BIRC3: variants seen among roughly 807,000 people sequenced by gnomAD.
The protein encoded by BIRC3 is baculoviral IAP repeat containing 3.
A neutral mutation model predicts 59.0 loss-of-function variants in BIRC3; 26 were observed. That is an observed-to-expected ratio of 0.44 (90% confidence interval 0.32 to 0.61). The LOEUF is 0.61. Among genes scored for constraint, BIRC3 ranks in the 20% least tolerant of loss-of-function variants. The probability of loss-of-function intolerance (pLI) is 0.04; values close to 1 mark genes in which losing one functional copy is unlikely to be tolerated. For synonymous variants in BIRC3, 243 were observed against 249.2 expected (o/e 0.98, Z 0.24); for missense variants, 641 against 711.5 (o/e 0.90, Z 1.13).
rs1404177810 is a variant in BIRC3, at chr11:102,323,182, T to C, written c.-1328T>C. On this transcript the variant is annotated 5_prime_UTR_variant, in exon 2 of 9. Transcript: ENST00000263464. The stretch of plus-strand genomic sequence containing the variant: ...AAGTTGAATAACTCTACAATGTTAG[T>C]TCTTTGAGGGGGACAAAAAATTTAA... 3 of 199,420 alleles carry C rather than the reference T, an allele frequency of 1.5e-5. No homozygotes were observed. The highest frequency in any genetic ancestry group is 6.9e-5 in the African/African-American group (3 of 43,496). 12.4% of individuals were successfully genotyped at this position (199,420 alleles called of 1,614,324 possible).
chr11:102,318,092 C>T (rs1950990779), intron 1 of BIRC3, among the ~76,000 whole-genome samples: 1 of 152,212 alleles, frequency 6.6e-6, no homozygotes, highest in African/African-American at 2.4e-5. Context: ...CTGATGCTAA[C>T]GTAACAATAA....
rs1951035766 is a variant in BIRC3, at chr11:102,322,041, T to C, written c.-2469T>C. ...TAATTTTATAAACATGATCGAGTTA[T>C]ATAAGGTATACCATAATGAGTTTGA... On this transcript the variant is annotated 5_prime_UTR_variant, in exon 2 of 9. Coordinates refer to ENST00000263464, the MANE Select transcript of BIRC3 (RefSeq NM_001165.5). 5.1e-6 allele frequency: 1 copy of C among 196,622 alleles called. No individual in the cohort carries two copies. The highest frequency in any genetic ancestry group is 2.3e-5 in the African/African-American group (1 of 43,300). The allele number at this position is 196,622 out of a possible 1,614,324, so 12.2% of individuals were successfully genotyped here. A position where few individuals can be genotyped will look rare whatever the true frequency, so the allele number is the denominator to read the frequency against.
rs1042136702 is a variant in BIRC3 at position 102,322,144 on chromosome 11, G to T, written c.-2366G>T. The T allele has an allele frequency of 9.8e-6, 2 of 205,020 alleles. No homozygotes were observed. Among genetic ancestry groups the T allele is most frequent in the Non-Finnish European group, 1.0e-5 (1 of 100,366 alleles). 12.7% of individuals were successfully genotyped at this position (205,020 alleles called of 1,614,324 possible). On this transcript the variant is annotated 5_prime_UTR_variant, in exon 2 of 9. Transcript: ENST00000263464. ...TTGTTAAAGCATTTTTTTCAGAGTTGGCCAGGCAGTCTCCTACTGGCACAT... is the reference window on the plus strand; with the variant it reads ...TTGTTAAAGCATTTTTTTCAGAGTTTGCCAGGCAGTCTCCTACTGGCACAT...
intron 1 of BIRC3, among the ~76,000 whole-genome samples, chr11:102,317,963 T>C (rs993800653): frequency 6.6e-6 from 1 of 152,154 alleles, no homozygotes; most frequent in Non-Finnish European, 1.5e-5. Flanking sequence ...AATGAGCAAA[T>C]GGACGCATGT....
At chr11:102,328,858 TTA>T (rs35083591) in intron 4 of BIRC3, 37 bp from the exon 5 acceptor site, 28,456 of 598,206 alleles carry the variant, frequency 0.048, 442 homozygotes, top group African/African-American at 0.082. Flanking sequence ...CTATTTTAAT[TTA>T]TATATATATA....
intron 5 of BIRC3, 39 bp downstream of exon 5, chr11:102,328,984 G>A (rs1336176114): frequency 6.8e-6 from 8 of 1,168,816 alleles, no homozygotes; most frequent in Non-Finnish European, 9.5e-6. Context: ...TTTAAATAGA[G>A]TCATTTGGTA....
At chr11:102,329,008 A>G in intron 5 of BIRC3, 63 bp downstream of exon 5, 1 of 952,112 alleles carries the variant, frequency 1.1e-6, no homozygotes, top group Non-Finnish European at 1.5e-6. Context: ...TTAATATTGA[A>G]AGTTGATAAT....
Position 102,337,545 on chromosome 11 carries a change from T to C in BIRC3, c.*443T>C, listed in dbSNP as rs1591526675. 6 of 388,450 alleles carry C rather than the reference T, an allele frequency of 1.5e-5. No homozygotes were observed. Among genetic ancestry groups the C allele is most frequent in the East Asian group, 7.2e-5 (2 of 27,722 alleles). 24.1% of individuals were successfully genotyped at this position (388,450 alleles called of 1,614,324 possible). On this transcript the variant is annotated 3_prime_UTR_variant, in exon 9 of 9. Transcript: ENST00000263464. ...GAGTTTGAATCCATCCTGGGCAGCATACTGAGACCCTGCCTTTAAAAACAA... is the reference window on the plus strand; with the variant it reads ...GAGTTTGAATCCATCCTGGGCAGCACACTGAGACCCTGCCTTTAAAAACAA...
chr11:102,332,884 C>A (rs939825713), intron 6 of BIRC3, among the ~76,000 whole-genome samples: 7 of 152,136 alleles, frequency 4.6e-5, no homozygotes, highest in Non-Finnish European at 1.5e-5. Context: ...CTTCCTGTAG[C>A]CTTCTTAGTG....
At position 102,338,309 on chromosome 11, in the gene BIRC3, T is replaced by C. The variant is rs1951219459; in HGVS notation, c.*1207T>C. 1 of 228,614 alleles carries C rather than the reference T, an allele frequency of 4.4e-6. No individual in the cohort carries two copies. Among genetic ancestry groups the C allele is most frequent in the African/African-American group, 2.2e-5 (1 of 45,176 alleles). 14.2% of individuals were successfully genotyped at this position (228,614 alleles called of 1,614,324 possible). The stretch of plus-strand genomic sequence containing the variant: ...CATCTAAACCAGTTCTAGATGTCTG[T>C]ATAGGGGCAGATGGCTCTGTAAGGG... On this transcript the variant is annotated 3_prime_UTR_variant, in exon 9 of 9. Transcript: ENST00000263464.
At chr11:102,328,291 G>A (rs1000881719) in intron 4 of BIRC3, among the ~76,000 whole-genome samples, 161 bp downstream of exon 4, 12 of 152,062 alleles carry the variant, frequency 7.9e-5, no homozygotes, top group Non-Finnish European at 8.8e-5. Flanking sequence ...TTATTCTTTG[G>A]AGAAAAATAG....
chr11:102,335,900 T>C, intron 6 of BIRC3, 66 bp from the exon 7 acceptor site: 3 of 1,479,032 alleles, frequency 2.0e-6, no homozygotes, highest in Non-Finnish European at 2.7e-6. Flanking sequence ...GCTATATATA[T>C]AGGACTGGAA....
At chr11:102,326,261 A>G (rs1303792009) in intron 3 of BIRC3, among the ~76,000 whole-genome samples, 1 of 152,222 alleles carries the variant, frequency 6.6e-6, no homozygotes, top group Non-Finnish European at 1.5e-5. Flanking sequence ...CAATCAATAA[A>G]AAGAACAAAG....
At chr11:102,329,195 G>A (rs1475236147) in intron 5 of BIRC3, among the ~76,000 whole-genome samples, 1 of 152,046 alleles carries the variant, frequency 6.6e-6, no homozygotes, top group Non-Finnish European at 1.5e-5. Flanking sequence ...TCTAAAGGTG[G>A]GGCTCAGGCA....
At position 102,337,987 on chromosome 11, in the gene BIRC3, A is replaced by G. The variant is rs187762878; in HGVS notation, c.*885A>G. 1.8e-5 allele frequency: 4 copies of G among 226,298 alleles called. No homozygotes were observed. The East Asian group carries it at 2.6e-4, about 15-fold the overall frequency. The allele number at this position is 226,298 out of a possible 1,614,324, so 14.0% of individuals were successfully genotyped here. A position where few individuals can be genotyped will look rare whatever the true frequency, so the allele number is the denominator to read the frequency against. Reference sequence around the variant, plus strand: ...TCTATTGATTCATTCAAGAAGTCTCATGCCAGCCCCACCTATTGGAAGAAG... The same window carrying G: ...TCTATTGATTCATTCAAGAAGTCTCGTGCCAGCCCCACCTATTGGAAGAAG... On this transcript the variant is annotated 3_prime_UTR_variant, in exon 9 of 9. Coordinates refer to ENST00000263464, the MANE Select transcript of BIRC3 (RefSeq NM_001165.5).
At chr11:102,326,078 T>G (rs929236070) in intron 3 of BIRC3, among the ~76,000 whole-genome samples, 8 of 152,230 alleles carry the variant, frequency 5.3e-5, no homozygotes, top group African/African-American at 1.9e-4. Context: ...TATATTTCCA[T>G]TCATTCGGTA....
chr11:102,331,312 A>T, intron 6 of BIRC3, 71 bp downstream of exon 6: 1 of 1,419,964 alleles, frequency 7.0e-7, no homozygotes, highest in Non-Finnish European at 9.3e-7. Flanking sequence ...TGAAAAATAT[A>T]CTCATCTAGC....
chr11:102,329,489 G>A (rs1297826281), intron 5 of BIRC3, among the ~76,000 whole-genome samples: 2 of 152,036 alleles, frequency 1.3e-5, no homozygotes, highest in Non-Finnish European at 2.9e-5. Context: ...ATTGTATATT[G>A]TATATCGCCT....
Position 102,331,088 on chromosome 11 carries a change from A to G in BIRC3, c.1171A>G (p.Ser391Gly). The G allele has an allele frequency of 6.2e-7, 1 of 1,613,886 alleles. No individual in the cohort carries two copies. Among genetic ancestry groups the G allele is most frequent in the East Asian group, 2.2e-5 (1 of 44,800 alleles). Residue 391 changes from serine to glycine, a missense_variant, in exon 6 of 9, where the codon AGT becomes GGT. Coordinates refer to ENST00000263464, the MANE Select transcript of BIRC3 (RefSeq NM_001165.5). ...TAATGCTGCCGTGGAAATGGGCTTT[A>G]GTAGAAGCCTGGTAAAACAGACAGT... is the stretch of plus-strand genomic sequence containing the variant. ...VINAAVEMGF[S>G]RSLVKQTVQR...
Sources: allele counts gnomAD v4.1 joint callset (sites outside exome capture counted in the v4.1 genomes callset), GRCh38; gene constraint gnomAD v4.1.1; transcripts MANE v1.5; gene names NCBI Gene and HGNC (gene_info 2026-07-23, HGNC 2026-07-21).